The following VASP variants were observed in gnomAD, a reference collection of about 807,000 sequenced individuals.
The protein encoded by VASP is vasodilator stimulated phosphoprotein.
Under a neutral mutation model 54.4 loss-of-function variants are expected in VASP, and 27 were observed. The observed-to-expected ratio is 0.50, with a 90% CI of 0.37 to 0.68. The LOEUF (loss-of-function observed/expected upper bound fraction) is 0.68. VASP is among the 30% of genes least tolerant of loss of function. VASP has a pLI of 0.00. For missense variants in VASP, 488 were observed against 528.3 expected, an observed-to-expected ratio of 0.92 and a Z score of 0.75; for synonymous variants, 233 against 209.8, an observed-to-expected ratio of 1.11 and a Z score of -0.96.
chr19:45,522,254 C>A (rs201689800), intron 5 of VASP, 37 bp downstream of exon 5: 171 of 1,614,174 alleles, frequency 1.1e-4, no homozygotes, highest in Non-Finnish European at 1.3e-4. Context: ...GGGAGGGGGC[C>A]TCCCTGGAGG....
rs771134442 is a variant in VASP at position 45,517,984 on chromosome 19, A to C, written c.233A>C (p.Asn78Thr). ...GTCAAGTATAACCAGGCCACCCCCA[A>C]CTTCCATCAGTGGCGCGACGCTCGC... ...RGVKYNQATPNFHQWRDARQV... is the reference protein window; with the variant it reads ...RGVKYNQATPTFHQWRDARQV... Residue 78 changes from asparagine to threonine, a missense_variant, in exon 3 of 13, where the codon AAC (asparagine) becomes ACC (threonine). Coordinates refer to ENST00000245932, the MANE Select transcript of VASP (RefSeq NM_003370.4). 1 of 1,613,820 alleles carries C rather than the reference A, an allele frequency of 6.2e-7. No individual in the cohort carries two copies. Among genetic ancestry groups the C allele is most frequent in the African/African-American group, 1.3e-5 (1 of 74,892 alleles).
intron 1 of VASP, among the ~76,000 whole-genome samples, chr19:45,509,351 G>C (rs1358285175): frequency 6.6e-6 from 1 of 151,924 alleles, no homozygotes; most frequent in Admixed American, 6.6e-5. Context: ...CTCTTCCTCC[G>C]GGACTCTTCT....
intron 1 of VASP, among the ~76,000 whole-genome samples, chr19:45,509,224 G>A (rs1454738055): frequency 1.3e-5 from 2 of 152,168 alleles, no homozygotes; most frequent in Non-Finnish European, 2.9e-5. Flanking sequence ...GAGCAAGGAG[G>A]ACACCCACAG....
Position 45,522,175 on chromosome 19 carries a change from C to T in VASP, c.436C>T (p.Pro146Ser). 3.7e-6 allele frequency: 6 copies of T among 1,613,946 alleles called. No individual in the cohort carries two copies. The highest frequency in any genetic ancestry group is 4.2e-6 in the Non-Finnish European group (5 of 1,180,006). ...TCTCGCCTCCCCCCACAGGCAGCAG[C>T]CCGGCCCGTCGGAGCACATAGAGCG... ...EEVEQQKRQQ[P>S]GPSEHIERRV... is the part of the protein sequence containing the mutation. Residue 146 changes from proline (P) to serine (S), a missense_variant, in exon 5 of 13, where the codon CCC (proline) becomes TCC (serine). Pro to Ser is a moderately conservative substitution (Grantham distance 74). Around this residue, in one of 4 missense-constraint regions of VASP, gnomAD observed 226 missense variants for 196.0 expected, o/e 1.15. Transcript: ENST00000245932.
At chr19:45,512,613 T>C (rs533165581) in intron 1 of VASP, among the ~76,000 whole-genome samples, 1 of 149,330 alleles carries the variant, frequency 6.7e-6, no homozygotes, top group African/African-American at 2.5e-5. Context: ...TTTGTTTTTG[T>C]TTTTGAGACG....
rs766455729 is a variant in VASP, at chr19:45,522,530, C to T, written c.669C>T (p.Ala223=). Residue 223 remains alanine, a synonymous_variant, in exon 6 of 13, where the codon GCC becomes GCT. Coordinates refer to ENST00000245932, the MANE Select transcript of VASP (RefSeq NM_003370.4). ...AQGPGGGGAG[A]PGLAAAIAGA... ...GCCCTGGTGGTGGGGGAGCTGGGGC[C>T]CCAGGCCTGGCCGCAGCTATTGCTG... The T allele has an allele frequency of 2.1e-5, 30 of 1,455,618 alleles. No individual in the cohort carries two copies. Among genetic ancestry groups the T allele is most frequent in the Non-Finnish European group, 9.0e-7 (1 of 1,109,396 alleles). The allele number at this position is 1,455,618 out of a possible 1,614,324, so 90.2% of individuals were successfully genotyped here.
chr19:45,523,588 C>A, intron 7 of VASP, 56 bp from the exon 8 acceptor site: 1 of 1,586,542 alleles, frequency 6.3e-7, no homozygotes. Flanking sequence ...GAACTCCCCT[C>A]AGAAGGGGAT....
At chr19:45,516,961 G>A (rs1273872002) in intron 1 of VASP, among the ~76,000 whole-genome samples, 6 of 89,274 alleles carry the variant, frequency 6.7e-5, no homozygotes, top group African/African-American at 2.9e-4. Context: ...GACAGCCCGG[G>A]TGACAGAGTA....
rs750061059 is a variant in VASP, at chr19:45,507,871, T to C, written c.5+95T>C. ...CCCCCAGCTAGCTCCGGGCTGGAAT[T>C]TGGGGACAGATCCTTGGGAGCCTCG... On this transcript the variant is annotated intron_variant, in intron 1 of 12. Transcript: ENST00000245932. The surrounding 1 kb of genome is among the most constrained non-coding windows in gnomAD (Gnocchi z 4.4). The C allele has an allele frequency of 8.6e-5, 66 of 770,558 alleles. No individual in the cohort carries two copies. Among genetic ancestry groups the C allele is most frequent in the Non-Finnish European group, 1.1e-4 (59 of 532,104 alleles). 47.7% of individuals were successfully genotyped at this position (770,558 alleles called of 1,614,324 possible). A position where few individuals can be genotyped will look rare whatever the true frequency, so the allele number is the denominator to read the frequency against.
At position 45,526,246 on chromosome 19, in the gene VASP, C is replaced by CT; in HGVS notation, c.*70dup. The CT allele has an allele frequency of 6.5e-7, 1 of 1,543,504 alleles. No individual in the cohort carries two copies. The highest frequency in any genetic ancestry group is 1.2e-5 in the South Asian group (1 of 83,436). On this transcript the variant is annotated 3_prime_UTR_variant, in exon 13 of 13. Transcript: ENST00000245932. ...GCCTGTCACCCTGCTTTCCCTGCCT[C>CT]TACTTGACTTGGAATTGGCTGAAGA...
intron 1 of VASP, among the ~76,000 whole-genome samples, chr19:45,511,479 T>G (rs954944508): frequency 6.6e-6 from 1 of 152,138 alleles, no homozygotes; most frequent in African/African-American, 2.4e-5. Flanking sequence ...ACTTGAACCG[T>G]CTTTTCATCC....
At position 45,518,037 on chromosome 19, in the gene VASP, A is replaced by G; in HGVS notation, c.286A>G (p.Lys96Glu). ...GGTCTGGGGCCTCAACTTCGGCAGC[A>G]AGGAGGATGCGGCCCAGTTTGCCGC... Reference protein sequence around the residue: ...RQVWGLNFGSKEDAAQFAAGM... With the variant: ...RQVWGLNFGSEEDAAQFAAGM... The change falls in exon 3 of 13, where the codon AAG becomes GAG. Residue 96 changes from lysine to glutamate, a missense_variant. This residue lies in a region of VASP where 127 missense variants were observed against 170.7 expected (regional missense o/e 0.74). Transcript: ENST00000245932. 6.2e-7 allele frequency: 1 copy of G among 1,613,904 alleles called. No homozygotes were observed. The highest frequency in any genetic ancestry group is 1.1e-5 in the South Asian group (1 of 91,090).
At position 45,521,342 on chromosome 19, in the gene VASP, C is replaced by T. The variant is rs1463971881; in HGVS notation, c.364C>T (p.Pro122Ser). The T allele has an allele frequency of 6.3e-7, 1 of 1,581,066 alleles. No homozygotes were observed. The highest frequency in any genetic ancestry group is 8.6e-7 in the Non-Finnish European group (1 of 1,163,596). The part of the protein sequence containing the change: ...ALEGGGPPPP[P>S]ALPTWSVPNG... ...TTCAGGAGGTGGGCCCCCTCCACCC[C>T]CAGCACTTCCCACCTGGTCGGTCCC... The change falls in exon 4 of 13, where the codon CCA becomes TCA. Residue 122 changes from proline (P) to serine (S), a missense_variant. Physicochemically the swap from Pro to Ser is moderately conservative, Grantham distance 74 (BLOSUM62 -1). Around this residue, in one of 4 missense-constraint regions of VASP, gnomAD observed 226 missense variants for 196.0 expected, o/e 1.15. Transcript: ENST00000245932.
Position 45,521,457 on chromosome 19 carries a change from T to C in VASP, c.428+51T>C, listed in dbSNP as rs532185537. 5.6e-6 allele frequency: 8 copies of C among 1,434,768 alleles called. No individual in the cohort carries two copies. The African/African-American group carries it at 1.1e-4, about 21-fold the overall frequency. 88.9% of individuals were successfully genotyped at this position (1,434,768 alleles called of 1,614,324 possible). A position where few individuals can be genotyped will look rare whatever the true frequency, so the allele number is the denominator to read the frequency against. ...CCTTAGCCGCTGCCAGAGTTCCATATGTTCTGGAACCCTTGACTCCTAGAG... is the reference window on the plus strand; with the variant it reads ...CCTTAGCCGCTGCCAGAGTTCCATACGTTCTGGAACCCTTGACTCCTAGAG... On this transcript the variant is annotated intron_variant, in intron 4 of 12. Coordinates refer to ENST00000245932, the MANE Select transcript of VASP (RefSeq NM_003370.4).
At chr19:45,519,476 T>A (rs991872364) in intron 3 of VASP, among the ~76,000 whole-genome samples, 11 of 150,934 alleles carry the variant, frequency 7.3e-5, no homozygotes, top group African/African-American at 2.7e-4. Flanking sequence ...TTTTTTTTTT[T>A]ACTTTTTGTG....
At chr19:45,519,495 C>G (rs916184497) in intron 3 of VASP, among the ~76,000 whole-genome samples, 3 of 147,476 alleles carry the variant, frequency 2.0e-5, no homozygotes, top group Non-Finnish European at 4.5e-5. Flanking sequence ...TGGAGATGGT[C>G]TACAGGCTGG....
At position 45,507,844 on chromosome 19, in the gene VASP, C is replaced by T; in HGVS notation, c.5+68C>T. Reference sequence around the variant, plus strand: ...CTCCGCGCCCCGCCTTTGTCCCCCTCCCCCCCAGCTAGCTCCGGGCTGGAA... The same window carrying T: ...CTCCGCGCCCCGCCTTTGTCCCCCTTCCCCCCAGCTAGCTCCGGGCTGGAA... On this transcript the variant is annotated intron_variant, in intron 1 of 12. Coordinates refer to ENST00000245932, the MANE Select transcript of VASP (RefSeq NM_003370.4). The surrounding 1 kb of genome is among the most constrained non-coding windows in gnomAD (Gnocchi z 4.4). 1.0e-6 allele frequency: 1 copy of T among 994,078 alleles called. No individual in the cohort carries two copies. The highest frequency in any genetic ancestry group is 1.4e-6 in the Non-Finnish European group (1 of 732,912). The allele number at this position is 994,078 out of a possible 1,614,324, so 61.6% of individuals were successfully genotyped here.
In VASP at chr19:45,517,713, G is replaced by A. The variant is rs1283881054; in HGVS notation, c.56G>A (p.Gly19Asp). Residue 19 changes from glycine (G) to aspartate (D), a missense_variant, in exon 2 of 13, where the codon GGC (glycine) becomes GAC (aspartate). Transcript: ENST00000245932. Reference protein sequence around the residue: ...SRATVMLYDDGNKRWLPAGTG... With the variant: ...SRATVMLYDDDNKRWLPAGTG... ...GCCACTGTGATGCTTTATGATGATG[G>A]CAACAAGCGATGGCTCCCTGCTGGC... The A allele has an allele frequency of 6.2e-7, 1 of 1,612,470 alleles. No individual in the cohort carries two copies. Among genetic ancestry groups the A allele is most frequent in the Non-Finnish European group, 8.5e-7 (1 of 1,180,028 alleles).
Position 45,507,973 on chromosome 19 carries a change from G to A in VASP, c.5+197G>A, listed in dbSNP as rs189566350. Among the ~76,000 whole-genome samples the A allele has an allele frequency of 0.019, 2,855 of 152,268 alleles. 61 individuals are homozygous for A. The highest frequency in any genetic ancestry group is 0.094 in the South Asian group (456 of 4,830). On this transcript the variant is annotated intron_variant, in intron 1 of 12. Coordinates refer to ENST00000245932, the MANE Select transcript of VASP (RefSeq NM_003370.4). This position sits in a 1 kb window ranked among gnomAD's most constrained non-coding sequence, Gnocchi z 4.4. ...CACGACTGACTCCCCAAGCTCGGGG[G>A]GTGGTGGCGGTGAGGTTCTCCTGGG...
Sources: gnomAD v4.1 joint callset for allele counts (sites outside exome capture counted in the v4.1 genomes callset) on GRCh38, gnomAD v4.1.1 for gene constraint, gnomAD v4.1.1 regional missense constraint, Gnocchi (gnomAD v3.1) non-coding constraint, MANE v1.5 for transcripts, NCBI Gene and HGNC (gene_info 2026-07-23, HGNC 2026-07-21) for gene names.